The following ATRNL1 variants were observed in gnomAD, a reference collection of about 807,000 sequenced individuals.
ATRNL1 encodes attractin like 1, also known as attractin-like protein 1.
ATRNL1 carries 95 observed loss-of-function variants against 182.7 expected under a neutral mutation model. The ratio of observed to expected loss-of-function variants is 0.52; its 90% CI spans 0.44 to 0.62. The LOEUF is 0.62. ATRNL1 is among the 20% of genes least tolerant of loss of function. The pLI is 0.00. For synonymous variants in ATRNL1, 576 were observed against 568.3 expected, an observed-to-expected ratio of 1.01 and a Z score of -0.19; for missense variants, 1,471 against 1,679.5, an observed-to-expected ratio of 0.88 and a Z score of 2.17.
chr10:115,577,465 G>A (rs1555005686), intron 26 of ATRNL1, among the ~76,000 whole-genome samples: 1 of 151,590 alleles, frequency 6.6e-6, no homozygotes, highest in Non-Finnish European at 1.5e-5. Flanking sequence ...TTCCTCAGTA[G>A]TTTATTCTTT....
intron 26 of ATRNL1, among the ~76,000 whole-genome samples, chr10:115,660,505 A>G (rs782049293): frequency 6.6e-6 from 1 of 152,100 alleles, no homozygotes; most frequent in Non-Finnish European, 1.5e-5. Flanking sequence ...CTGACCATTA[A>G]AGCAAAGGAG....
At chr10:115,174,292 A>G (rs1554886323) in intron 8 of ATRNL1, among the ~76,000 whole-genome samples, 1 of 150,590 alleles carries the variant, frequency 6.6e-6, no homozygotes, top group Non-Finnish European at 1.5e-5. Context: ...TTTGTTTTCT[A>G]TTTCTTTTCC....
chr10:115,739,596 T>C (rs538019989), intron 27 of ATRNL1, among the ~76,000 whole-genome samples: 4 of 152,318 alleles, frequency 2.6e-5, no homozygotes, highest in Non-Finnish European at 5.9e-5. Context: ...TCAAACCCTT[T>C]GAATACTCAT....
chr10:115,494,024 A>G (rs1182919156), intron 24 of ATRNL1, among the ~76,000 whole-genome samples: 1 of 152,090 alleles, frequency 6.6e-6, no homozygotes, highest in Non-Finnish European at 1.5e-5. Flanking sequence ...TCCTTAGACC[A>G]TTGTTGGATG....
chr10:115,536,569 G>T (rs964813685), intron 25 of ATRNL1, among the ~76,000 whole-genome samples: 3 of 152,192 alleles, frequency 2.0e-5, no homozygotes, highest in Non-Finnish European at 4.4e-5. Flanking sequence ...CTTCCCAAGT[G>T]AGGCAATGCC....
At chr10:115,829,041 AC>A (rs1950502825) in intron 27 of ATRNL1, among the ~76,000 whole-genome samples, 1 of 150,338 alleles carries the variant, frequency 6.7e-6, no homozygotes, top group African/African-American at 2.5e-5. Flanking sequence ...TTTCACAATC[AC>A]CCTTTTTTTC....
chr10:115,720,672 A>G (rs1947394384), intron 26 of ATRNL1, among the ~76,000 whole-genome samples: 1 of 152,212 alleles, frequency 6.6e-6, no homozygotes, highest in South Asian at 2.1e-4. Flanking sequence ...TATAGGTGGC[A>G]TTGCATATAC....
intron 28 of ATRNL1, among the ~76,000 whole-genome samples, chr10:115,890,740 A>G (rs903972084): frequency 2.0e-5 from 3 of 152,148 alleles, no homozygotes; most frequent in Non-Finnish European, 2.9e-5. Context: ...AATGATGCCT[A>G]CTCATATGCA....
intron 28 of ATRNL1, among the ~76,000 whole-genome samples, chr10:115,915,107 G>C (rs782472091): frequency 2.0e-5 from 3 of 152,066 alleles, no homozygotes; most frequent in Non-Finnish European, 4.4e-5. Context: ...AAAAATATTT[G>C]ACAGTTATGG....
At chr10:115,443,550 T>C (rs1158119788) in intron 21 of ATRNL1, among the ~76,000 whole-genome samples, 1 of 152,038 alleles carries the variant, frequency 6.6e-6, no homozygotes, top group African/African-American at 2.4e-5. Flanking sequence ...TTAAGCCTTT[T>C]ATAGCTTTTT....
At chr10:115,212,299 T>TA (rs1849059238) in intron 8 of ATRNL1, among the ~76,000 whole-genome samples, 1 of 129,948 alleles carries the variant, frequency 7.7e-6, no homozygotes, top group African/African-American at 2.8e-5. Context: ...AGTTTTTTTT[T>TA]AACTTTTTTT....
rs114035602 is a variant in ATRNL1 at position 115,745,131 on chromosome 10, C to T, written c.3903+17776C>T. Among the ~76,000 whole-genome samples the T allele has an allele frequency of 3.1e-3, 459 of 146,572 alleles. 2 individuals are homozygous for T. Among genetic ancestry groups the T allele is most frequent in the African/African-American group, 0.011 (422 of 40,100 alleles). ...TTCCCAGAACATCATGAAAATGGAA[C>T]TTTTTTTTTTTGTGACCGAGTCTCA... is the stretch of plus-strand genomic sequence containing the variant. On this transcript the variant is annotated intron_variant, in intron 27 of 28. Coordinates refer to ENST00000355044, the MANE Select transcript of ATRNL1 (RefSeq NM_207303.4).
intron 27 of ATRNL1, among the ~76,000 whole-genome samples, chr10:115,806,459 G>A (rs1949922251): frequency 1.3e-5 from 2 of 152,130 alleles, no homozygotes. Flanking sequence ...AAATGAAAGA[G>A]GGGGTGGCCG....
Position 115,827,541 on chromosome 10 carries a change from C to T in ATRNL1, c.3904-20336C>T, listed in dbSNP as rs117864233. Among the ~76,000 whole-genome samples, 979 of 152,204 alleles carry T rather than the reference C, an allele frequency of 6.4e-3. 4 individuals carry two copies. Among genetic ancestry groups the T allele is most frequent in the Non-Finnish European group, 9.3e-3 (636 of 68,024 alleles). ...GGATATTGGTCGATTTTAATGTTGACGATTATCCAAAAGAATGACCACATC... is the reference window on the plus strand; with the variant it reads ...GGATATTGGTCGATTTTAATGTTGATGATTATCCAAAAGAATGACCACATC... On this transcript the variant is annotated intron_variant, in intron 27 of 28. Transcript: ENST00000355044.
chr10:115,208,906 T>G lies in ATRNL1; in HGVS notation c.1349-6791T>G, dbSNP rs1564821849. Reference sequence around the variant, plus strand: ...AAACTCTAAACTTTGTTTTCTCAAGTTAGTGAGATCACCACTCTATTTTGG... The same window carrying G: ...AAACTCTAAACTTTGTTTTCTCAAGGTAGTGAGATCACCACTCTATTTTGG... On this transcript the variant is annotated intron_variant, in intron 8 of 28. Coordinates refer to ENST00000355044, the MANE Select transcript of ATRNL1 (RefSeq NM_207303.4). Among the ~76,000 whole-genome samples, 2 of 151,978 alleles carry G rather than the reference T, an allele frequency of 1.3e-5. 1 individual carries two copies. Among genetic ancestry groups the G allele is most frequent in the African/African-American group, 4.8e-5 (2 of 41,408 alleles).
rs548798443 is a variant in ATRNL1 at position 115,894,810 on chromosome 10, C to T, written c.4018+46819C>T. ...CATAATGGCTTTTGCTTCCGGCAGACTGAAGTAACATGTGGGGTCTCTGTA... is the reference window on the plus strand; with the variant it reads ...CATAATGGCTTTTGCTTCCGGCAGATTGAAGTAACATGTGGGGTCTCTGTA... On this transcript the variant is annotated intron_variant, in intron 28 of 28. Transcript: ENST00000355044. Among the ~76,000 whole-genome samples, 29 of 152,216 alleles carry T rather than the reference C, an allele frequency of 1.9e-4. No individual in the cohort carries two copies. The South Asian group carries it at 5.8e-3, about 31-fold the overall frequency.
intron 26 of ATRNL1, among the ~76,000 whole-genome samples, chr10:115,564,123 AT>A (rs1555000743): frequency 6.6e-6 from 1 of 152,054 alleles, no homozygotes; most frequent in Non-Finnish European, 1.5e-5. Context: ...TTATGGTCTA[AT>A]TTAGTTTATT....
chr10:115,756,865 A>G (rs1948604065), intron 27 of ATRNL1, among the ~76,000 whole-genome samples: 1 of 152,120 alleles, frequency 6.6e-6, no homozygotes, highest in African/African-American at 2.4e-5. Flanking sequence ...GTGCATATAT[A>G]TTTAGGATAG....
rs538698710 is a variant in ATRNL1 at position 115,896,532 on chromosome 10, C to T, written c.4019-48126C>T. On this transcript the variant is annotated intron_variant, in intron 28 of 28. Coordinates refer to ENST00000355044, the MANE Select transcript of ATRNL1 (RefSeq NM_207303.4). ...AGGTATAAAAAGATCTGGTAAAAGT[C>T]TGGAAAAAATAACAATGAAAAGTCT... 5.3e-5 allele frequency among the ~76,000 whole-genome samples: 8 copies of T among 152,036 alleles called. 1 individual carries two copies. The East Asian group carries it at 1.5e-3, about 29-fold the overall frequency.
Sources: allele counts gnomAD v4.1 joint callset (sites outside exome capture counted in the v4.1 genomes callset), GRCh38; gene constraint gnomAD v4.1.1; transcripts MANE v1.5; gene names NCBI Gene and HGNC (gene_info 2026-07-23, HGNC 2026-07-21).